Variants in PPEF1 observed in about 807,000 individuals in gnomAD.
PPEF1 encodes protein phosphatase with EF-hand domain 1.
PPEF1 carries 12 observed loss-of-function variants against 53.3 expected under a neutral mutation model. That is an observed-to-expected ratio of 0.23 (90% CI 0.14 to 0.36). The LOEUF (loss-of-function observed/expected upper bound fraction) is 0.36. Ranked by LOEUF, PPEF1 falls within the 10% of genes least tolerant of loss-of-function variation. The pLI is 1.00. For synonymous variants in PPEF1, 165 were observed against 176.7 expected (o/e 0.93, Z 0.52); for missense variants, 334 against 490.4 (o/e 0.68, Z 3.01).
chrX:18,694,794 A>C (rs1186746552), intron 4 of PPEF1, among the ~76,000 whole-genome samples: 1 of 111,697 alleles, frequency 9.0e-6, no homozygotes. Context: ...TCATGGTTTT[A>C]ATTTTAATTT....
At chrX:18,804,173 A>C in intron 11 of PPEF1, 96 bp downstream of exon 11, 1 of 832,142 alleles carries the variant, frequency 1.2e-6, no homozygotes, top group Non-Finnish European at 1.7e-6. Flanking sequence ...GCCCATGAGA[A>C]GATGTCTTCT....
intron 5 of PPEF1, among the ~76,000 whole-genome samples, chrX:18,699,017 A>G (rs970493365): frequency 8.9e-6 from 1 of 111,972 alleles, no homozygotes; most frequent in Non-Finnish European, 1.9e-5. Context: ...AGACATAGCC[A>G]TAATTTAATG....
intron 8 of PPEF1, among the ~76,000 whole-genome samples, chrX:18,782,749 A>G (rs758991824): frequency 2.3e-4 from 25 of 111,031 alleles, no homozygotes; most frequent in Non-Finnish European, 4.0e-4. Context: ...TTTATTTACA[A>G]TTCTCTAGAA....
chrX:18,732,500 C>T (rs1328605598), intron 2 of PPEF1, among the ~76,000 whole-genome samples: 2 of 112,199 alleles, frequency 1.8e-5, no homozygotes, highest in East Asian at 5.6e-4. Flanking sequence ...AATTTCTTCA[C>T]ATTTTTGCCA....
At chrX:18,708,779 A>G (rs1156520830) in intron 1 of PPEF1, among the ~76,000 whole-genome samples, 1 of 112,275 alleles carries the variant, frequency 8.9e-6, no homozygotes, top group Non-Finnish European at 1.9e-5. Flanking sequence ...AGGAAGGGAC[A>G]TAGGAGGTGT....
intron 3 of PPEF1, among the ~76,000 whole-genome samples, chrX:18,734,764 A>G (rs2044931423): frequency 9.0e-6 from 1 of 111,234 alleles, no homozygotes; most frequent in Admixed American, 9.6e-5. Context: ...AACTGTTCCT[A>G]TTTCTCCACA....
intron 1 of PPEF1, among the ~76,000 whole-genome samples, chrX:18,724,383 G>A (rs2044658303): frequency 8.9e-6 from 1 of 111,833 alleles, no homozygotes; most frequent in South Asian, 3.7e-4. Context: ...TTCATTATTT[G>A]TCTTGCTCAC....
intron 3 of PPEF1, among the ~76,000 whole-genome samples, chrX:18,742,754 C>A (rs752608126): frequency 9.1e-6 from 1 of 110,033 alleles, no homozygotes; most frequent in Non-Finnish European, 1.9e-5. Context: ...GAGACTGAGG[C>A]ACAAGAATCG....
chrX:18,819,899 T>A (rs2046998648), intron 13 of PPEF1, among the ~76,000 whole-genome samples: 1 of 111,498 alleles, frequency 9.0e-6, no homozygotes, highest in Non-Finnish European at 1.9e-5. Context: ...AATCCAGACC[T>A]ACACACATTT....
chrX:18,797,026 C>T (rs1019621910), intron 10 of PPEF1, among the ~76,000 whole-genome samples: 2 of 111,155 alleles, frequency 1.8e-5, no homozygotes, highest in Non-Finnish European at 3.8e-5. Context: ...CCTCCCACTC[C>T]CCAAACAATA....
intron 1 of PPEF1, among the ~76,000 whole-genome samples, chrX:18,722,988 A>ATT (rs34364348): frequency 2.9e-4 from 30 of 102,055 alleles, no homozygotes; most frequent in African/African-American, 9.6e-4. Flanking sequence ...TAATTTGTGA[A>ATT]TTTTTTTTTT....
At chrX:18,816,642 A>G (rs2046923729) in intron 12 of PPEF1, among the ~76,000 whole-genome samples, 1 of 111,608 alleles carries the variant, frequency 9.0e-6, no homozygotes, top group African/African-American at 3.3e-5. Context: ...TGAAGTCTCA[A>G]TATTATTGTT....
At chrX:18,696,806 T>C (rs1412222127) in intron 4 of PPEF1, among the ~76,000 whole-genome samples, 2 of 111,098 alleles carry the variant, frequency 1.8e-5, no homozygotes, top group Non-Finnish European at 3.8e-5. Context: ...CTGTCTGAGC[T>C]TCCCCCCTTT....
intron 1 of PPEF1, among the ~76,000 whole-genome samples, chrX:18,710,735 G>A (rs2044303918): frequency 1.8e-5 from 2 of 111,727 alleles, no homozygotes; most frequent in South Asian, 7.5e-4. Context: ...TGGTGGGAAT[G>A]TAAATTAGTA....
intron 5 of PPEF1, among the ~76,000 whole-genome samples, chrX:18,760,741 A>G (rs1417587856): frequency 9.5e-6 from 1 of 105,452 alleles, no homozygotes; most frequent in Non-Finnish European, 1.9e-5. Context: ...CCTCCTGAGT[A>G]GCTAGGATCA....
At chrX:18,762,841 G>A (rs1174567212) in intron 6 of PPEF1, among the ~76,000 whole-genome samples, 8 of 111,431 alleles carry the variant, frequency 7.2e-5, no homozygotes, top group Admixed American at 9.6e-5. Flanking sequence ...AAGTAATTGC[G>A]GTTTCTGCGT....
At chrX:18,752,727 C>T (rs866451214) in intron 4 of PPEF1, among the ~76,000 whole-genome samples, 1 of 97,019 alleles carries the variant, frequency 1.0e-5, no homozygotes, top group African/African-American at 3.7e-5. Flanking sequence ...TTGTCAAATG[C>T]TTTTTTTTTT....
At chrX:18,823,795 A>G in intron 13 of PPEF1, 128 bp from the exon 14 acceptor site, 1 of 676,119 alleles carries the variant, frequency 1.5e-6, no homozygotes, top group Non-Finnish European at 2.2e-6. Flanking sequence ...TCAGGGCTGC[A>G]GGGCCTGGGA....
intron 4 of PPEF1, among the ~76,000 whole-genome samples, chrX:18,752,232 TAAAC>T (rs754138491): frequency 1.0e-3 from 112 of 112,038 alleles, no homozygotes; most frequent in African/African-American, 3.5e-3. Context: ...AATTTATTCT[TAAAC>T]AATTTATTCT....
Sources: gnomAD v4.1 joint callset for allele counts (sites outside exome capture counted in the v4.1 genomes callset) on GRCh38, gnomAD v4.1.1 for gene constraint, MANE v1.5 for transcripts, NCBI Gene and HGNC (gene_info 2026-07-23, HGNC 2026-07-21) for gene names.